The following LRP1B variants were observed in gnomAD, a reference collection of about 807,000 sequenced individuals.
LRP1B encodes the protein LDL receptor related protein 1B, also known as low-density lipoprotein receptor-related protein 1B.
A neutral mutation model predicts 556.6 loss-of-function variants in LRP1B; 217 were observed. The ratio of observed to expected loss-of-function variants is 0.39; its 90% CI spans 0.35 to 0.44. The LOEUF is 0.44. Ranked by LOEUF, LRP1B falls within the 20% of genes least tolerant of loss-of-function variation. The pLI, the probability that LRP1B is intolerant of heterozygous loss-of-function variation, is 1.00. For synonymous variants in LRP1B, 2,047 were observed against 1,865.8 expected, an observed-to-expected ratio of 1.10 and a Z score of -2.50; for missense variants, 5,053 against 5,620.8, an observed-to-expected ratio of 0.90 and a Z score of 3.23.
intron 25 of LRP1B, among the ~76,000 whole-genome samples, chr2:140,882,268 G>T (rs937372845): frequency 2.6e-5 from 4 of 151,974 alleles, no homozygotes; most frequent in African/African-American, 9.7e-5. Context: ...GGAAGTGTAG[G>T]GTCAGTATCA....
intron 7 of LRP1B, among the ~76,000 whole-genome samples, chr2:141,124,173 A>G (rs1052101432): frequency 9.2e-5 from 14 of 152,156 alleles, no homozygotes; most frequent in African/African-American, 2.7e-4. Context: ...GGTGGCCAAG[A>G]GAGGCCCAGA....
At chr2:140,860,718 A>G (rs901558420) in intron 27 of LRP1B, among the ~76,000 whole-genome samples, 25 of 152,268 alleles carry the variant, frequency 1.6e-4, no homozygotes, top group African/African-American at 5.5e-4. Flanking sequence ...AACACAAAAG[A>G]AAACAGAAAA....
intron 3 of LRP1B, among the ~76,000 whole-genome samples, chr2:141,354,806 G>T (rs989530777): frequency 6.6e-6 from 1 of 151,874 alleles, no homozygotes; most frequent in Admixed American, 6.6e-5. Context: ...AATTTAAGTG[G>T]AGAGGGAATC....
chr2:141,373,765 A>G (rs1689326733), intron 3 of LRP1B, among the ~76,000 whole-genome samples: 1 of 151,992 alleles, frequency 6.6e-6, no homozygotes, highest in African/African-American at 2.4e-5. Context: ...ATTGACATAC[A>G]AGGTTAATAT....
At chr2:141,210,379 G>T (rs1182358352) in intron 6 of LRP1B, among the ~76,000 whole-genome samples, 1 of 98,034 alleles carries the variant, frequency 1.0e-5, no homozygotes, top group African/African-American at 3.8e-5. Flanking sequence ...AAATTATTAG[G>T]CTACTTGCCA....
rs981000417 is a variant in LRP1B at position 140,705,913 on chromosome 2, G to A, written c.6024-3360C>T. Among the ~76,000 whole-genome samples, 3 of 152,068 alleles carry A rather than the reference G, an allele frequency of 2.0e-5. No individual in the cohort carries two copies. In the South Asian group the frequency reaches 6.2e-4, roughly 32 times the overall value. ...AAATTAAGTAAACATTTTATGTCAAGCAAATAATAATTTATTTGCTCCTTA... is the reference window on the plus strand; with the variant it reads ...AAATTAAGTAAACATTTTATGTCAAACAAATAATAATTTATTTGCTCCTTA... On this transcript the variant is annotated intron_variant, in intron 37 of 90. Coordinates refer to ENST00000389484, the MANE Select transcript of LRP1B (RefSeq NM_018557.3).
At chr2:140,261,394 G>A (rs1681929990) in intron 86 of LRP1B, among the ~76,000 whole-genome samples, 2 of 151,856 alleles carry the variant, frequency 1.3e-5, no homozygotes, top group African/African-American at 2.4e-5. Flanking sequence ...AAGAGACAGT[G>A]AGCTTGAATC....
At chr2:141,734,456 T>TAG (rs1047388331) in intron 2 of LRP1B, among the ~76,000 whole-genome samples, 3 of 151,286 alleles carry the variant, frequency 2.0e-5, no homozygotes, top group East Asian at 1.9e-4. Flanking sequence ...CAGGGAGAGA[T>TAG]AGAGAGAGAG....
chr2:140,729,158 C>G (rs1327458314), intron 35 of LRP1B, among the ~76,000 whole-genome samples: 4 of 152,020 alleles, frequency 2.6e-5, no homozygotes, highest in Non-Finnish European at 5.9e-5. Flanking sequence ...TAATTTACCT[C>G]ATCCAAAGAA....
chr2:140,401,498 A>C (rs182937354), intron 66 of LRP1B, among the ~76,000 whole-genome samples: 4 of 152,094 alleles, frequency 2.6e-5, no homozygotes, highest in Non-Finnish European at 5.9e-5. Context: ...CAACCCCCAA[A>C]AGGGCTGCAG....
intron 35 of LRP1B, among the ~76,000 whole-genome samples, chr2:140,766,822 AATATATAT>A (rs34690760): frequency 9.5e-6 from 1 of 105,642 alleles, no homozygotes; most frequent in African/African-American, 4.4e-5. Context: ...ATCTTTGTAA[AATATATAT>A]ATATATATAT....
intron 1 of LRP1B, among the ~76,000 whole-genome samples, chr2:141,827,269 A>AT (rs1696966810): frequency 6.6e-6 from 1 of 152,190 alleles, no homozygotes; most frequent in South Asian, 2.1e-4. Context: ...TGGCTGGCTA[A>AT]TTTTTAGAAA....
chr2:141,723,953 C>G (rs777515328), intron 2 of LRP1B, among the ~76,000 whole-genome samples: 5 of 151,784 alleles, frequency 3.3e-5, no homozygotes, highest in African/African-American at 4.8e-5. Flanking sequence ...GTTTATCTTA[C>G]TTTGTAATGT....
intron 86 of LRP1B, among the ~76,000 whole-genome samples, chr2:140,260,841 CATACTTAAT>C (rs1314954128): frequency 1.3e-5 from 2 of 151,840 alleles, no homozygotes; most frequent in Non-Finnish European, 2.9e-5. Flanking sequence ...ACATTTTTAA[CATACTTAAT>C]AATGTCGTAA....
intron 7 of LRP1B, among the ~76,000 whole-genome samples, chr2:141,162,779 A>ATTTT (rs1558903067): frequency 3.9e-5 from 6 of 152,158 alleles, no homozygotes; most frequent in African/African-American, 1.2e-4. Flanking sequence ...ATAGTTTATC[A>ATTTT]GTGAAGTTCA....
intron 2 of LRP1B, among the ~76,000 whole-genome samples, chr2:141,744,269 A>T (rs62168664): frequency 0.079 from 11,991 of 152,060 alleles, 542 homozygotes; most frequent in South Asian, 0.13. Context: ...CATACTGTTT[A>T]ACTTCCATGT....
intron 7 of LRP1B, among the ~76,000 whole-genome samples, chr2:141,172,307 T>C (rs568683674): frequency 1.2e-3 from 178 of 152,166 alleles, no homozygotes; most frequent in African/African-American, 4.1e-3. Context: ...TTCTACAACA[T>C]GAACCGTCAG....
chr2:141,914,354 C>A (rs1340109724), intron 1 of LRP1B, among the ~76,000 whole-genome samples: 1 of 151,956 alleles, frequency 6.6e-6, no homozygotes, highest in Non-Finnish European at 1.5e-5. Context: ...AATGCAATAG[C>A]AAAAGAAAAG....
chr2:141,986,990 A>G (rs1267670518), intron 1 of LRP1B, among the ~76,000 whole-genome samples: 2 of 151,906 alleles, frequency 1.3e-5, no homozygotes, highest in African/African-American at 4.8e-5. Context: ...TTGTCTTTCT[A>G]TTTCTTTACC....
Sources: gnomAD v4.1 joint callset for allele counts (sites outside exome capture counted in the v4.1 genomes callset) on GRCh38, gnomAD v4.1.1 for gene constraint, MANE v1.5 for transcripts, NCBI Gene and HGNC (gene_info 2026-07-23, HGNC 2026-07-21) for gene names.